The following MYO1E variants were observed in gnomAD, a reference collection of about 807,000 sequenced individuals.
The protein encoded by MYO1E is myosin IE.
A neutral mutation model predicts 151.1 loss-of-function variants in MYO1E; 68 were observed. The ratio of observed to expected loss-of-function variants is 0.45; its 90% CI spans 0.37 to 0.55. The LOEUF (loss-of-function observed/expected upper bound fraction) is 0.55, where lower values mean the gene tolerates loss of function less well. Ranked by LOEUF, MYO1E falls within the 20% of genes least tolerant of loss-of-function variation. The pLI, the probability that MYO1E is intolerant of heterozygous loss-of-function variation, is 0.00. For missense variants in MYO1E, 1,363 were observed against 1,389.3 expected (o/e 0.98, Z 0.30); for synonymous variants, 601 against 501.7 (o/e 1.20, Z -2.64).
At chr15:59,214,342 ATTCT>A (rs2079900118) in intron 11 of MYO1E, 28 bp from the exon 12 acceptor site, 2 of 1,485,598 alleles carry the variant, frequency 1.3e-6, no homozygotes, top group Middle Eastern at 2.2e-4. Context: ...TTCACATGTA[ATTCT>A]TTCACAAAAT....
intron 16 of MYO1E, 43 bp downstream of exon 16, chr15:59,202,283 T>C (rs1566977326): frequency 6.4e-7 from 1 of 1,557,336 alleles, no homozygotes; most frequent in South Asian, 1.1e-5. Context: ...TAGAAAGCGC[T>C]AGCCCTTATA....
At chr15:59,370,206 A>C (rs930050754) in intron 1 of MYO1E, among the ~76,000 whole-genome samples, 49 of 152,238 alleles carry the variant, frequency 3.2e-4, no homozygotes, top group African/African-American at 1.1e-3. Context: ...AAGCAGCTGA[A>C]GGGATACAAC....
intron 17 of MYO1E, among the ~76,000 whole-genome samples, chr15:59,191,326 C>CAGAGAAAGAGAGAG (rs2079731565): frequency 1.2e-5 from 1 of 85,790 alleles, no homozygotes; most frequent in Non-Finnish European, 2.1e-5. Context: ...GTCAGACAGA[C>CAGAGAAAGAGAGAG]AGAGACAGAG....
intron 2 of MYO1E, among the ~76,000 whole-genome samples, chr15:59,271,630 T>A (rs1036665696): frequency 2.0e-5 from 3 of 152,246 alleles, no homozygotes; most frequent in African/African-American, 4.8e-5. Flanking sequence ...AAAAATGGCA[T>A]CCGGCAAGCT....
Position 59,224,724 on chromosome 15 carries a change from C to T in MYO1E, c.742G>A (p.Asp248Asn), listed in dbSNP as rs775226200. 4 of 1,614,240 alleles carry T rather than the reference C, an allele frequency of 2.5e-6. No individual in the cohort carries two copies. Among genetic ancestry groups the T allele is most frequent in the Non-Finnish European group, 2.5e-6 (3 of 1,180,040 alleles). The change falls in exon 8 of 28, where the codon GAC (aspartate) becomes AAC (asparagine). Residue 248 changes from aspartate to asparagine, a missense_variant. Coordinates refer to ENST00000288235, the MANE Select transcript of MYO1E (RefSeq NM_004998.4). ...LSLSGSYKVD[D>N]IDDRREFQET... ...TGAAACTCCCGCCTGTCGTCAATGTCATCAACCTTGTATGAGCCCGAGAGG... is the reference window on the plus strand; with the variant it reads ...TGAAACTCCCGCCTGTCGTCAATGTTATCAACCTTGTATGAGCCCGAGAGG...
chr15:59,338,128 T>C (rs1484033730), intron 1 of MYO1E, among the ~76,000 whole-genome samples: 1 of 151,490 alleles, frequency 6.6e-6, no homozygotes, highest in Admixed American at 6.6e-5. Flanking sequence ...ACAACTGCAT[T>C]GTGAGGCAAG....
At chr15:59,151,675 G>A (rs1206918843) in intron 26 of MYO1E, among the ~76,000 whole-genome samples, 1 of 152,160 alleles carries the variant, frequency 6.6e-6, no homozygotes, top group African/African-American at 2.4e-5. Context: ...CACTTTGGGA[G>A]GCCAAGGCGG....
chr15:59,311,576 T>C (rs539967383), intron 1 of MYO1E, among the ~76,000 whole-genome samples: 1 of 152,260 alleles, frequency 6.6e-6, no homozygotes, highest in East Asian at 1.9e-4. Context: ...AGAAATCACA[T>C]GAGTTTACCA....
intron 4 of MYO1E, among the ~76,000 whole-genome samples, chr15:59,249,893 G>T (rs1003258911): frequency 6.6e-6 from 1 of 152,150 alleles, no homozygotes; most frequent in Non-Finnish European, 1.5e-5. Flanking sequence ...TTTCCACCCA[G>T]AACAGGATTT....
intron 1 of MYO1E, among the ~76,000 whole-genome samples, chr15:59,357,426 C>CCTT (rs568969685): frequency 7.3e-6 from 1 of 137,060 alleles, no homozygotes; most frequent in Non-Finnish European, 1.6e-5. Context: ...AAGGAGATAA[C>CCTT]TTTTTTTTTT....
chr15:59,343,089 C>T (rs59107240), intron 1 of MYO1E, among the ~76,000 whole-genome samples: 20,286 of 152,134 alleles, frequency 0.13, 1,520 homozygotes, highest in East Asian at 0.29. Flanking sequence ...TGTGTACTTA[C>T]TATTACCAGT....
At chr15:59,345,424 G>A (rs1316405470) in intron 1 of MYO1E, among the ~76,000 whole-genome samples, 1 of 152,172 alleles carries the variant, frequency 6.6e-6, no homozygotes, top group African/African-American at 2.4e-5. Flanking sequence ...TCCTGCCTCT[G>A]CCTCCTGATT....
At chr15:59,250,212 G>A (rs2080155974) in intron 4 of MYO1E, among the ~76,000 whole-genome samples, 1 of 152,160 alleles carries the variant, frequency 6.6e-6, no homozygotes, top group South Asian at 2.1e-4. Flanking sequence ...TTGACCATAG[G>A]AGAGTCTGAC....
intron 1 of MYO1E, among the ~76,000 whole-genome samples, chr15:59,288,270 G>C (rs541986702): frequency 2.0e-5 from 3 of 152,084 alleles, no homozygotes; most frequent in African/African-American, 7.2e-5. Context: ...GGGCCTCCTG[G>C]GCTCAAGTGA....
chr15:59,225,881 C>G (rs2079987863), intron 7 of MYO1E, among the ~76,000 whole-genome samples: 1 of 152,106 alleles, frequency 6.6e-6, no homozygotes, highest in Non-Finnish European at 1.5e-5. Context: ...CTCCTGACCT[C>G]GTGATTCACC....
At chr15:59,162,670 AAAAAG>A (rs2079544611) in intron 23 of MYO1E, among the ~76,000 whole-genome samples, 3 of 151,650 alleles carry the variant, frequency 2.0e-5, no homozygotes, top group South Asian at 2.1e-4. Context: ...AAAAAAAAAA[AAAAAG>A]AAAGAAAGGT....
intron 1 of MYO1E, among the ~76,000 whole-genome samples, chr15:59,337,838 GA>G (rs75190412): frequency 6.6e-6 from 1 of 150,586 alleles, no homozygotes; most frequent in South Asian, 2.1e-4. Flanking sequence ...TCTCAAAAAA[GA>G]AAAAAAAATC....
At chr15:59,265,148 A>G (rs1389261563) in intron 2 of MYO1E, among the ~76,000 whole-genome samples, 1 of 152,234 alleles carries the variant, frequency 6.6e-6, no homozygotes, top group Non-Finnish European at 1.5e-5. Flanking sequence ...TTTCATGTCT[A>G]CATCTATCCC....
At chr15:59,248,119 C>G (rs2080141142) in intron 4 of MYO1E, among the ~76,000 whole-genome samples, 1 of 105,106 alleles carries the variant, frequency 9.5e-6, no homozygotes, top group Non-Finnish European at 1.8e-5. Flanking sequence ...CAGAATGAGA[C>G]TCCGTCTCAA....
Sources: gnomAD v4.1 joint callset for allele counts (sites outside exome capture counted in the v4.1 genomes callset) on GRCh38, gnomAD v4.1.1 for gene constraint, MANE v1.5 for transcripts, NCBI Gene and HGNC (gene_info 2026-07-23, HGNC 2026-07-21) for gene names.